ZFP42: variants seen among roughly 807,000 people sequenced by gnomAD.
ZFP42 encodes the protein ZFP42 zinc finger protein, also known as zinc finger protein 42 homolog.
For missense variants in ZFP42, 438 were observed against 377.1 expected (o/e 1.16, Z -1.34); for synonymous variants, 175 against 144.6 (o/e 1.21, Z -1.51).
At chr4:187,997,590 C>T (rs188896095) in intron 1 of ZFP42, among the ~76,000 whole-genome samples, 53 of 151,686 alleles carry the variant, frequency 3.5e-4, no homozygotes, top group African/African-American at 1.3e-3. Context: ...TGTTTATTTG[C>T]CCTTTACTGT....
At chr4:187,997,225 A>ATTTTTTTTTTTTTTT (rs1484017532) in intron 1 of ZFP42, among the ~76,000 whole-genome samples, 13 of 36,482 alleles carry the variant, frequency 3.6e-4, no homozygotes, top group South Asian at 1.5e-3. Flanking sequence ...CCCCTCTCAT[A>ATTTTTTTTTTTTTTT]TTCTTTTTTT....
chr4:187,999,324 G>A (rs1391560890), intron 2 of ZFP42, 51 bp downstream of exon 2: 1 of 151,822 alleles, frequency 6.6e-6, no homozygotes, highest in Admixed American at 6.6e-5. Context: ...TAGAGATGGG[G>A]TTTCACCGTT....
At position 187,996,928 on chromosome 4, in the gene ZFP42, C is replaced by T. The variant is rs180702708; in HGVS notation, c.-339+1088C>T. On this transcript the variant is annotated intron_variant, in intron 1 of 3. Coordinates refer to ENST00000326866, the MANE Select transcript of ZFP42 (RefSeq NM_174900.5). ...AAATGCAAATGGTCCCGGGGCTCAC[C>T]GTCAGCCCCGCGCCTGGGCCTCGCC... 4.6e-4 allele frequency among the ~76,000 whole-genome samples: 70 copies of T among 151,910 alleles called. No individual in the cohort carries two copies. In the East Asian group the frequency reaches 8.8e-3, roughly 19 times the overall value.
intron 1 of ZFP42, among the ~76,000 whole-genome samples, chr4:187,998,036 G>A (rs1452199425): frequency 6.6e-6 from 1 of 152,174 alleles, no homozygotes; most frequent in East Asian, 1.9e-4. Context: ...ACATTTTTAA[G>A]TTTATAAAGT....
rs558136988 is a variant in ZFP42, at chr4:188,004,872, T to C, written c.*1132T>C. On this transcript the variant is annotated 3_prime_UTR_variant, in exon 4 of 4. Transcript: ENST00000326866. Reference sequence around the variant, plus strand: ...AAATTTGCAGTAGATAGTCAATAAATGAATCAGTAGTTAAATATTCCTTAA... The same window carrying C: ...AAATTTGCAGTAGATAGTCAATAAACGAATCAGTAGTTAAATATTCCTTAA... 4.2e-5 allele frequency: 7 copies of C among 167,248 alleles called. No homozygotes were observed. The highest frequency in any genetic ancestry group is 3.4e-3 in the Middle Eastern group (1 of 296). 10.4% of individuals were successfully genotyped at this position (167,248 alleles called of 1,614,324 possible). A position where few individuals can be genotyped will look rare whatever the true frequency, so the allele number is the denominator to read the frequency against.
At chr4:188,001,319 TTAAG>T (rs550998755) in intron 3 of ZFP42, among the ~76,000 whole-genome samples, 99 of 152,186 alleles carry the variant, frequency 6.5e-4, no homozygotes, top group Non-Finnish European at 1.3e-3. Context: ...AATTGTAACA[TTAAG>T]TAAGAGACTT....
chr4:188,004,342 A>G lies in ZFP42; in HGVS notation c.*602A>G, dbSNP rs186914503. On this transcript the variant is annotated 3_prime_UTR_variant, in exon 4 of 4. Coordinates refer to ENST00000326866, the MANE Select transcript of ZFP42 (RefSeq NM_174900.5). ...TATTTTTATTTTTGTTTTTGTTGGTAGGCGTCTCGCTCTGTCACCCAGGCT... is the reference window on the plus strand; with the variant it reads ...TATTTTTATTTTTGTTTTTGTTGGTGGGCGTCTCGCTCTGTCACCCAGGCT... 1 of 152,492 alleles carries G rather than the reference A, an allele frequency of 6.6e-6. No homozygotes were observed. The highest frequency in any genetic ancestry group is 1.9e-4 in the East Asian group (1 of 5,168). 9.4% of individuals were successfully genotyped at this position (152,492 alleles called of 1,614,324 possible). A position where few individuals can be genotyped will look rare whatever the true frequency, so the allele number is the denominator to read the frequency against.
chr4:188,002,899 A>G lies in ZFP42; in HGVS notation c.92A>G (p.Lys31Arg). The G allele has an allele frequency of 6.2e-7, 1 of 1,614,218 alleles. No individual in the cohort carries two copies. The highest frequency in any genetic ancestry group is 8.5e-7 in the Non-Finnish European group (1 of 1,180,036). The change falls in exon 4 of 4, where the codon AAG (lysine) becomes AGG (arginine). Residue 31 changes from lysine (K) to arginine (R), a missense_variant. Physicochemically the swap from Lys to Arg is conservative, Grantham distance 26. Coordinates refer to ENST00000326866, the MANE Select transcript of ZFP42 (RefSeq NM_174900.5). ...AGTGGGGCTAAGCCCAGGCAAGGCA[A>G]GTCAAGCCAAGACCTGCAGGCGGAA... ...APSGAKPRQG[K>R]SSQDLQAEIE... is the part of the protein sequence containing the mutation.
Position 188,003,467 on chromosome 4 carries a change from G to T in ZFP42, c.660G>T (p.Ala220=). ...ATGGTCCCCGAGACCACGTCTGTGCGGAATGTGGGAAAGCGTTCGTTGAGA... is the reference window on the plus strand; with the variant it reads ...ATGGTCCCCGAGACCACGTCTGTGCTGAATGTGGGAAAGCGTTCGTTGAGA... The part of the protein sequence containing the change: ...LIHGPRDHVC[A]ECGKAFVESS... The change falls in exon 4 of 4, where the codon GCG becomes GCT. Residue 220 remains alanine, a synonymous_variant. Coordinates refer to ENST00000326866, the MANE Select transcript of ZFP42 (RefSeq NM_174900.5). 1.2e-6 allele frequency: 2 copies of T among 1,613,942 alleles called. No homozygotes were observed. The highest frequency in any genetic ancestry group is 8.5e-7 in the Non-Finnish European group (1 of 1,180,020).
intron 1 of ZFP42, among the ~76,000 whole-genome samples, chr4:187,996,483 G>C (rs1733570899): frequency 6.6e-6 from 1 of 151,744 alleles, no homozygotes; most frequent in South Asian, 2.1e-4. Context: ...GCTAATTTTT[G>C]TATTTTAGTA....
Position 188,003,322 on chromosome 4 carries a change from C to T in ZFP42, c.515C>T (p.Ala172Val). ...LSDPKQLAEFARKKPPINKEY... is the reference protein window; with the variant it reads ...LSDPKQLAEFVRKKPPINKEY... The stretch of plus-strand genomic sequence containing the variant: ...GATCCTAAACAGCTCGCAGAATTTG[C>T]TAGAAAGAAGCCCCCCATAAATAAA... Residue 172 changes from alanine (A) to valine (V), a missense_variant, in exon 4 of 4, where the codon GCT becomes GTT. Physicochemically the swap from Ala to Val is moderately conservative, Grantham distance 64 (BLOSUM62 0). Coordinates refer to ENST00000326866, the MANE Select transcript of ZFP42 (RefSeq NM_174900.5). The T allele has an allele frequency of 6.2e-7, 1 of 1,614,028 alleles. No homozygotes were observed. Among genetic ancestry groups the T allele is most frequent in the Non-Finnish European group, 8.5e-7 (1 of 1,180,024 alleles).
intron 3 of ZFP42, among the ~76,000 whole-genome samples, chr4:188,000,401 C>CT (rs967082389): frequency 3.5e-5 from 5 of 142,904 alleles, no homozygotes; most frequent in Admixed American, 7.2e-5. Flanking sequence ...CTTTTTTTTT[C>CT]TTTTTTTTCC....
intron 1 of ZFP42, among the ~76,000 whole-genome samples, chr4:187,998,360 T>C (rs1733684367): frequency 6.6e-6 from 1 of 152,062 alleles, no homozygotes; most frequent in African/African-American, 2.4e-5. Context: ...AATAAATAAA[T>C]GAATTTAAAA....
Position 188,003,729 on chromosome 4 carries a change from G to T in ZFP42, c.922G>T (p.Glu308Ter). Reference sequence around the variant, plus strand: ...TGCAAATACGAACAAGAATGAACAAGAGGGAAAGTAGTCCTCCAACAGGAT... The same window carrying T: ...TGCAAATACGAACAAGAATGAACAATAGGGAAAGTAGTCCTCCAACAGGAT... Reference protein sequence around the residue: ...THANTNKNEQEGK With the variant: ...THANTNKNEQ Residue 308 changes from glutamate to a stop codon, truncating the protein, a stop_gained, in exon 4 of 4, where the codon GAG becomes TAG. Transcript: ENST00000326866. LOFTEE classifies it high-confidence loss of function. The T allele has an allele frequency of 1.2e-6, 2 of 1,608,960 alleles. No individual in the cohort carries two copies. Among genetic ancestry groups the T allele is most frequent in the Non-Finnish European group, 1.7e-6 (2 of 1,175,894 alleles).
At position 188,003,602 on chromosome 4, in the gene ZFP42, C is replaced by T; in HGVS notation, c.795C>T (p.His265=). The T allele has an allele frequency of 3.1e-6, 5 of 1,613,430 alleles. No individual in the cohort carries two copies. The highest frequency in any genetic ancestry group is 2.5e-6 in the Non-Finnish European group (3 of 1,180,032). Residue 265 remains histidine, a synonymous_variant, in exon 4 of 4, where the codon CAC becomes CAT. Coordinates refer to ENST00000326866, the MANE Select transcript of ZFP42 (RefSeq NM_174900.5). ...CTCTGGACTTTAATTTGCGTACGCA[C>T]GTGCGCATCCACACGGGGGAGAAAC... ...RFSLDFNLRT[H]VRIHTGEKRF...
chr4:188,003,021 T>C lies in ZFP42; in HGVS notation c.214T>C (p.Tyr72His). 2 of 1,614,122 alleles carry C rather than the reference T, an allele frequency of 1.2e-6. No individual in the cohort carries two copies. The highest frequency in any genetic ancestry group is 1.7e-6 in the Non-Finnish European group (2 of 1,180,020). Residue 72 changes from tyrosine to histidine, a missense_variant, in exon 4 of 4, where the codon TAC becomes CAC. Tyr to His is a moderately conservative substitution (Grantham distance 83, BLOSUM62 2). Transcript: ENST00000326866. ...ALGGDDFSDC[Y>H]IECVIRGEFS... ...CGGAGGGGATGATTTCTCAGACTGTTACATAGAATGCGTCATAAGGGGTGA... is the reference window on the plus strand; with the variant it reads ...CGGAGGGGATGATTTCTCAGACTGTCACATAGAATGCGTCATAAGGGGTGA...
intron 3 of ZFP42, among the ~76,000 whole-genome samples, chr4:188,000,424 CTG>C (rs1471796768): frequency 6.6e-6 from 1 of 151,522 alleles, no homozygotes; most frequent in Non-Finnish European, 1.5e-5. Flanking sequence ...GAAAGTCGCT[CTG>C]TTGTCCAGGC....
At position 188,004,277 on chromosome 4, in the gene ZFP42, C is replaced by A. The variant is rs542124765; in HGVS notation, c.*537C>A. The stretch of plus-strand genomic sequence containing the variant: ...ACCAGCCTGGGCAACATAGTGAGAT[C>A]CTGTCTCTACAAAAAAATTTGTTTT... On this transcript the variant is annotated 3_prime_UTR_variant, in exon 4 of 4. Transcript: ENST00000326866. 2.2e-4 allele frequency: 36 copies of A among 163,356 alleles called. No individual in the cohort carries two copies. Among genetic ancestry groups the A allele is most frequent in the African/African-American group, 8.4e-4 (35 of 41,500 alleles). 10.1% of individuals were successfully genotyped at this position (163,356 alleles called of 1,614,324 possible). A position where few individuals can be genotyped will look rare whatever the true frequency, so the allele number is the denominator to read the frequency against.
chr4:187,997,098 C>G (rs1381376910), intron 1 of ZFP42, among the ~76,000 whole-genome samples: 1 of 151,964 alleles, frequency 6.6e-6, no homozygotes. Flanking sequence ...CAGCAGGCTT[C>G]GCTCGTCTCT....
Sources: allele counts gnomAD v4.1 joint callset (sites outside exome capture counted in the v4.1 genomes callset), GRCh38; gene constraint gnomAD v4.1.1; transcripts MANE v1.5; gene names NCBI Gene and HGNC (gene_info 2026-07-23, HGNC 2026-07-21).